The following BUD23 variants were observed in gnomAD, a reference collection of about 807,000 sequenced individuals.
The protein encoded by BUD23 is BUD23 rRNA methyltransferase and ribosome maturation factor, also known as 18S rRNA (guanine-N(7))-methyltransferase.
BUD23 carries 34 observed loss-of-function variants against 47.0 expected under a neutral mutation model. The observed-to-expected ratio is 0.72, with a 90% CI of 0.55 to 0.96. BUD23 has a LOEUF of 0.96. BUD23 is among the 40% of genes least tolerant of loss of function. The probability of loss-of-function intolerance (pLI) is 0.00; values close to 1 mark genes in which losing one functional copy is unlikely to be tolerated. For synonymous variants in BUD23, 124 were observed against 132.0 expected (o/e 0.94, Z 0.41); for missense variants, 343 against 361.2 (o/e 0.95, Z 0.41).
Position 73,692,637 on chromosome 7 carries a change from C to G in BUD23, c.501C>G (p.Asn167Lys). ...CTGTCCTGCAGCTGTACCCTGAGAA[C>G]TCAGAGCAGGTGAGTCCCTCGGCTA... Reference protein sequence around the residue: ...SRAVLQLYPENSEQLELITTQ... With the variant: ...SRAVLQLYPEKSEQLELITTQ... Residue 167 changes from asparagine to lysine, a missense_variant, in exon 7 of 12, where the codon AAC becomes AAG. Asn to Lys is a moderately conservative substitution (Grantham distance 94). Coordinates refer to ENST00000265758, the MANE Select transcript of BUD23 (RefSeq NM_017528.5). The G allele has an allele frequency of 6.2e-7, 1 of 1,613,758 alleles. No individual in the cohort carries two copies.
At chr7:73,692,512 T>C in intron 6 of BUD23, 84 bp from the exon 7 acceptor site, 1 of 1,334,016 alleles carries the variant, frequency 7.5e-7, no homozygotes, top group Non-Finnish European at 1.1e-6. Context: ...CAGGAAATAC[T>C]TGGTGAATGA....
Position 73,693,335 on chromosome 7 carries a change from C to T in BUD23, c.517C>T (p.Leu173=), listed in dbSNP as rs782258750. 1 of 1,613,974 alleles carries T rather than the reference C, an allele frequency of 6.2e-7. No individual in the cohort carries two copies. The highest frequency in any genetic ancestry group is 8.5e-7 in the Non-Finnish European group (1 of 1,179,934). Residue 173 remains leucine (L), a synonymous_variant, in exon 8 of 12, where the codon CTG becomes TTG. Coordinates refer to ENST00000265758, the MANE Select transcript of BUD23 (RefSeq NM_017528.5). ...GCTGCCTTTCTTTCCTCAGTTGGAGCTGATCACAACCCAGGCCACAAAGGC... is the reference window on the plus strand; with the variant it reads ...GCTGCCTTTCTTTCCTCAGTTGGAGTTGATCACAACCCAGGCCACAAAGGC... ...LYPENSEQLE[L]ITTQATKAGF... is the part of the protein sequence containing the mutation.
At chr7:73,693,061 C>T in intron 7 of BUD23, 1 of 562,692 alleles carries the variant, frequency 1.8e-6, no homozygotes, top group Non-Finnish European at 3.2e-6. Flanking sequence ...CAATTGGTGG[C>T]CATCTCCCTA....
intron 2 of BUD23, chr7:73,684,099 C>T (rs782430972): frequency 1.6e-5 from 15 of 938,922 alleles, no homozygotes; most frequent in Non-Finnish European, 1.8e-5. Context: ...GCGGTGGGTA[C>T]GGGCGAGGGG....
chr7:73,693,432 G>T lies in BUD23; in HGVS notation c.596+18G>T, dbSNP rs1554614371. Reference sequence around the variant, plus strand: ...GCAAAGAAGTGAGCGCTGGGGGCCGGTGTGCTGCCTGGGCTGCAGGAGGGA... The same window carrying T: ...GCAAAGAAGTGAGCGCTGGGGGCCGTTGTGCTGCCTGGGCTGCAGGAGGGA... On this transcript the variant is annotated intron_variant, in intron 8 of 11. Transcript: ENST00000265758. 6.2e-7 allele frequency: 1 copy of T among 1,613,958 alleles called. No homozygotes were observed. Among genetic ancestry groups the T allele is most frequent in the Non-Finnish European group, 8.5e-7 (1 of 1,179,856 alleles).
At chr7:73,693,045 G>T in intron 7 of BUD23, 1 of 560,962 alleles carries the variant, frequency 1.8e-6, no homozygotes, top group Non-Finnish European at 3.2e-6. Flanking sequence ...GAATGACTCT[G>T]GATTCCAATT....
At chr7:73,690,477 C>T (rs941662548) in intron 5 of BUD23, among the ~76,000 whole-genome samples, 6 of 151,984 alleles carry the variant, frequency 3.9e-5, no homozygotes, top group African/African-American at 1.2e-4. Context: ...AGCCTTGACA[C>T]GGAGGACTTT....
At chr7:73,694,141 T>C (rs1489046307) in intron 10 of BUD23, 91 bp downstream of exon 10, 6 of 1,350,486 alleles carry the variant, frequency 4.4e-6, no homozygotes, top group Non-Finnish European at 6.1e-6. Context: ...CCCAAGCCTC[T>C]CAGGTCACAT....
At chr7:73,687,572 G>A (rs1798025907) in intron 5 of BUD23, among the ~76,000 whole-genome samples, 1 of 152,040 alleles carries the variant, frequency 6.6e-6, no homozygotes, top group South Asian at 2.1e-4. Context: ...ACCGTGCACA[G>A]CCTAACTTTT....
chr7:73,689,412 G>A (rs1554613669), intron 5 of BUD23, among the ~76,000 whole-genome samples: 1 of 151,978 alleles, frequency 6.6e-6, no homozygotes. Flanking sequence ...TGGAGTACAG[G>A]GAAATGAAAC....
Position 73,683,797 on chromosome 7 carries a change from G to A in BUD23, c.79G>A (p.Val27Ile), listed in dbSNP as rs12540944. 5 of 1,614,044 alleles carry A rather than the reference G, an allele frequency of 3.1e-6. No individual in the cohort carries two copies. In the Admixed American group the frequency reaches 8.3e-5, roughly 27 times the overall value. Residue 27 changes from valine (V) to isoleucine (I), a missense_variant, in exon 2 of 12, where the codon GTT (valine) becomes ATT (isoleucine). Coordinates refer to ENST00000265758, the MANE Select transcript of BUD23 (RefSeq NM_017528.5). ...TGACGAGACAGAAGCCCGGAAATAC[G>A]TTCGCAAGTGAGGGGAGCCTGAATA... The part of the protein sequence containing the change: ...FYDETEARKY[V>I]RNSRMIDIQT...
At chr7:73,686,103 A>C (rs1373064121) in intron 2 of BUD23, among the ~76,000 whole-genome samples, 2 of 152,102 alleles carry the variant, frequency 1.3e-5, no homozygotes, top group East Asian at 3.9e-4. Flanking sequence ...CGTCTCAAAA[A>C]AAAAAAAAAA....
chr7:73,692,585 G>A lies in BUD23; in HGVS notation c.460-11G>A. On this transcript the variant is annotated splice_polypyrimidine_tract_variant and intron_variant, in intron 6 of 11. Coordinates refer to ENST00000265758, the MANE Select transcript of BUD23 (RefSeq NM_017528.5). Reference sequence around the variant, plus strand: ...TCATTTGTAAGACAGTGATGTTCCTGTTTCTTTCAGGTCCGGGGATCCCGA... The same window carrying A: ...TCATTTGTAAGACAGTGATGTTCCTATTTCTTTCAGGTCCGGGGATCCCGA... 1.2e-6 allele frequency: 2 copies of A among 1,613,578 alleles called. No homozygotes were observed. The highest frequency in any genetic ancestry group is 1.7e-6 in the Non-Finnish European group (2 of 1,179,498).
chr7:73,693,431 G>A lies in BUD23; in HGVS notation c.596+17G>A, dbSNP rs868926658. 14 of 1,613,668 alleles carry A rather than the reference G, an allele frequency of 8.7e-6. No homozygotes were observed. Among genetic ancestry groups the A allele is most frequent in the East Asian group, 4.5e-5 (2 of 44,894 alleles). The stretch of plus-strand genomic sequence containing the variant: ...AGCAAAGAAGTGAGCGCTGGGGGCC[G>A]GTGTGCTGCCTGGGCTGCAGGAGGG... On this transcript the variant is annotated intron_variant, in intron 8 of 11. Coordinates refer to ENST00000265758, the MANE Select transcript of BUD23 (RefSeq NM_017528.5).
chr7:73,685,993 A>G (rs1438363771), intron 2 of BUD23, among the ~76,000 whole-genome samples: 1 of 151,614 alleles, frequency 6.6e-6, no homozygotes, highest in Non-Finnish European at 1.5e-5. Context: ...CTGCTGGGGA[A>G]GCTGAGGCAG....
chr7:73,693,390 A>G lies in BUD23; in HGVS notation c.572A>G (p.Tyr191Cys), dbSNP rs1798266461. 1 of 1,614,068 alleles carries G rather than the reference A, an allele frequency of 6.2e-7. No homozygotes were observed. The highest frequency in any genetic ancestry group is 1.1e-5 in the South Asian group (1 of 91,072). ...TTCTCCGGTGGCATGGTGGTAGACTACCCTAACAGTGCCAAAGCAAAGAAG... is the reference window on the plus strand; with the variant it reads ...TTCTCCGGTGGCATGGTGGTAGACTGCCCTAACAGTGCCAAAGCAAAGAAG... Reference protein sequence around the residue: ...AGFSGGMVVDYPNSAKAKKFY... With the variant: ...AGFSGGMVVDCPNSAKAKKFY... Residue 191 changes from tyrosine to cysteine, a missense_variant, in exon 8 of 12, where the codon TAC becomes TGC. Coordinates refer to ENST00000265758, the MANE Select transcript of BUD23 (RefSeq NM_017528.5).
At chr7:73,688,515 C>T (rs573509780) in intron 5 of BUD23, among the ~76,000 whole-genome samples, 11 of 152,354 alleles carry the variant, frequency 7.2e-5, no homozygotes, top group Non-Finnish European at 1.3e-4. Context: ...TGGGCCCCAG[C>T]AGCCATCTTA....
intron 2 of BUD23, chr7:73,684,049 G>A (rs1797840356): frequency 6.6e-6 from 9 of 1,356,702 alleles, no homozygotes; most frequent in Non-Finnish European, 8.7e-6. Context: ...AAAGTCGAAT[G>A]TGACAATTTG....
chr7:73,684,815 T>TC (rs1255578805), intron 2 of BUD23, among the ~76,000 whole-genome samples: 11 of 147,104 alleles, frequency 7.5e-5, no homozygotes, highest in Non-Finnish European at 7.4e-5. Context: ...CCCCAGCTAC[T>TC]CGGGAGGCTG....
Sources: gnomAD v4.1 joint callset for allele counts (sites outside exome capture counted in the v4.1 genomes callset) on GRCh38, gnomAD v4.1.1 for gene constraint, MANE v1.5 for transcripts, NCBI Gene and HGNC (gene_info 2026-07-23, HGNC 2026-07-21) for gene names.